The following LUZP2 variants were observed in gnomAD, a reference collection of about 807,000 sequenced individuals.
LUZP2 encodes leucine zipper protein 2.
In LUZP2, 52 loss-of-function variants were observed where a neutral mutation model predicts 51.6. The observed-to-expected ratio is 1.01, with a 90% CI of 0.81 to 1.27. The LOEUF (loss-of-function observed/expected upper bound fraction) is 1.27. LUZP2 is among the 50% of genes most tolerant of loss of function. The probability of loss-of-function intolerance (pLI) is 0.00; values close to 1 mark genes in which losing one functional copy is unlikely to be tolerated. For synonymous variants in LUZP2, 154 were observed against 137.3 expected, an observed-to-expected ratio of 1.12 and a Z score of -0.85; for missense variants, 436 against 395.4, an observed-to-expected ratio of 1.10 and a Z score of -0.87.
chr11:24,897,777 A>T (rs1211872875), intron 5 of LUZP2, among the ~76,000 whole-genome samples: 5 of 152,032 alleles, frequency 3.3e-5, no homozygotes, highest in Non-Finnish European at 2.9e-5. Flanking sequence ...TTGGGAAAAT[A>T]GTTTGTTTAT....
intron 7 of LUZP2, among the ~76,000 whole-genome samples, chr11:24,973,058 G>GTTTT (rs71044327): frequency 0.064 from 8,608 of 135,402 alleles, 740 homozygotes; most frequent in African/African-American, 0.19. Flanking sequence ...CTGGTCCTGG[G>GTTTT]TTTTTTTTTT....
intron 1 of LUZP2, among the ~76,000 whole-genome samples, chr11:24,650,030 A>G (rs1855579897): frequency 6.6e-6 from 1 of 150,904 alleles, no homozygotes; most frequent in Admixed American, 6.6e-5. Context: ...ATGTTTTCTT[A>G]CTTCTGCTGA....
At chr11:24,561,902 G>C (rs1318561944) in intron 1 of LUZP2, among the ~76,000 whole-genome samples, 1 of 151,986 alleles carries the variant, frequency 6.6e-6, no homozygotes, top group Non-Finnish European at 1.5e-5. Flanking sequence ...TCTTAATTTT[G>C]TTTTGGAAGA....
intron 1 of LUZP2, among the ~76,000 whole-genome samples, chr11:24,558,306 G>A (rs1229450844): frequency 6.6e-6 from 1 of 152,092 alleles, no homozygotes; most frequent in Admixed American, 6.6e-5. Context: ...TCTCCAGCCT[G>A]CAGGCAGTCT....
intron 4 of LUZP2, among the ~76,000 whole-genome samples, chr11:24,742,050 AATATAATT>A (rs994812174): frequency 2.0e-5 from 2 of 98,560 alleles, no homozygotes; most frequent in African/African-American, 1.0e-4. Context: ...CATAAAAATA[AATATAATT>A]ATATATATAT....
At chr11:24,627,279 A>T (rs1386465537) in intron 1 of LUZP2, among the ~76,000 whole-genome samples, 4 of 152,220 alleles carry the variant, frequency 2.6e-5, no homozygotes, top group African/African-American at 9.6e-5. Context: ...AGATTTGACC[A>T]TAATCAGATA....
rs556376171 is a variant in LUZP2, at chr11:24,706,019, C to G, written c.63-23150C>G. On this transcript the variant is annotated intron_variant, in intron 1 of 11. Coordinates refer to ENST00000336930, the MANE Select transcript of LUZP2 (RefSeq NM_001009909.4). ...CAGCTTAAACTAGGGCTTGTAACGC[C>G]CAGGGTGAGACTACCTATGAGGGCA... Among the ~76,000 whole-genome samples the G allele has an allele frequency of 2.0e-5, 3 of 152,002 alleles. No homozygotes were observed. The South Asian group carries it at 6.2e-4, about 32-fold the overall frequency.
At chr11:24,624,280 C>T (rs921893053) in intron 1 of LUZP2, among the ~76,000 whole-genome samples, 2 of 151,972 alleles carry the variant, frequency 1.3e-5, no homozygotes, top group Admixed American at 6.6e-5. Flanking sequence ...ACAATAGTCA[C>T]GAGTGTCCTG....
chr11:25,033,605 C>T (rs1857765969), intron 9 of LUZP2, among the ~76,000 whole-genome samples: 1 of 152,080 alleles, frequency 6.6e-6, no homozygotes, highest in African/African-American at 2.4e-5. Context: ...TCCACAGTGT[C>T]TATAACTTCC....
intron 9 of LUZP2, among the ~76,000 whole-genome samples, chr11:25,020,192 C>CA (rs957222001): frequency 1.3e-5 from 2 of 151,808 alleles, no homozygotes; most frequent in African/African-American, 2.4e-5. Flanking sequence ...GGAGCAATAG[C>CA]AAAAAAAGGA....
chr11:24,723,494 C>T (rs993482091), intron 1 of LUZP2, among the ~76,000 whole-genome samples: 1 of 152,156 alleles, frequency 6.6e-6, no homozygotes, highest in Non-Finnish European at 1.5e-5. Context: ...GAAAAAATTG[C>T]TGTACAGTTA....
chr11:24,716,646 C>T (rs1858055777), intron 1 of LUZP2, among the ~76,000 whole-genome samples: 1 of 152,094 alleles, frequency 6.6e-6, no homozygotes, highest in South Asian at 2.1e-4. Context: ...TCTGTAATCC[C>T]AGCACTTTGA....
At chr11:24,977,741 A>G (rs995988878) in intron 8 of LUZP2, among the ~76,000 whole-genome samples, 1 of 151,688 alleles carries the variant, frequency 6.6e-6, no homozygotes, top group Non-Finnish European at 1.5e-5. Context: ...ATGTATGTAT[A>G]TATACACTAT....
chr11:24,648,408 A>T (rs1054544855), intron 1 of LUZP2, among the ~76,000 whole-genome samples: 1 of 151,954 alleles, frequency 6.6e-6, no homozygotes, highest in African/African-American at 2.4e-5. Flanking sequence ...TATTTAGGGA[A>T]TTTGTTGCAA....
intron 5 of LUZP2, among the ~76,000 whole-genome samples, chr11:24,857,399 T>G (rs1430118356): frequency 2.7e-5 from 4 of 150,838 alleles, no homozygotes; most frequent in Non-Finnish European, 4.4e-5. Context: ...TGATACATTA[T>G]AGACATTTAA....
intron 5 of LUZP2, among the ~76,000 whole-genome samples, chr11:24,839,148 C>G (rs945390304): frequency 2.6e-5 from 4 of 151,722 alleles, no homozygotes; most frequent in Admixed American, 1.3e-4. Context: ...CTGTAATAGT[C>G]TTTCATGTTT....
intron 5 of LUZP2, among the ~76,000 whole-genome samples, chr11:24,862,898 AG>A (rs1026683654): frequency 6.6e-6 from 1 of 152,246 alleles, no homozygotes; most frequent in African/African-American, 2.4e-5. Flanking sequence ...CAATAAATAA[AG>A]ATTTCTTCAA....
chr11:24,528,699 T>C (rs1218601712), intron 1 of LUZP2, among the ~76,000 whole-genome samples: 2 of 151,122 alleles, frequency 1.3e-5, no homozygotes, highest in African/African-American at 4.8e-5. Flanking sequence ...CAAAGCAACC[T>C]GGAGATTCTG....
chr11:24,998,697 A>G (rs1164462050), intron 9 of LUZP2, among the ~76,000 whole-genome samples: 2 of 152,136 alleles, frequency 1.3e-5, no homozygotes, highest in African/African-American at 4.8e-5. Flanking sequence ...AATCCTGTCT[A>G]CCTATACCCA....
Sources: gnomAD v4.1 joint callset for allele counts (sites outside exome capture counted in the v4.1 genomes callset) on GRCh38, gnomAD v4.1.1 for gene constraint, MANE v1.5 for transcripts, NCBI Gene and HGNC (gene_info 2026-07-23, HGNC 2026-07-21) for gene names.